Variants in SYNPR observed in about 807,000 individuals in gnomAD.
The protein encoded by SYNPR is synaptoporin.
A neutral mutation model predicts 32.9 loss-of-function variants in SYNPR; 23 were observed. The ratio of observed to expected loss-of-function variants is 0.70; its 90% CI spans 0.50 to 0.99. The LOEUF (loss-of-function observed/expected upper bound fraction) is 0.99, where lower values mean the gene tolerates loss of function less well. SYNPR is among the 50% of genes least tolerant of loss of function. The pLI is 0.00. For missense variants in SYNPR, 318 were observed against 349.3 expected, an observed-to-expected ratio of 0.91 and a Z score of 0.71; for synonymous variants, 146 against 135.9, an observed-to-expected ratio of 1.07 and a Z score of -0.52.
chr3:63,592,697 A>T (rs76570532), intron 4 of SYNPR, among the ~76,000 whole-genome samples: 125 of 152,228 alleles, frequency 8.2e-4, no homozygotes, highest in East Asian at 4.7e-3. Flanking sequence ...GACACAAATT[A>T]AAAAATAAAT....
chr3:63,400,145 G>A (rs986370558), intron 2 of SYNPR, among the ~76,000 whole-genome samples: 3 of 152,138 alleles, frequency 2.0e-5, no homozygotes, highest in South Asian at 4.1e-4. Flanking sequence ...AAGATTTTGC[G>A]ACTCTTACAC....
At chr3:63,353,753 T>C (rs890460027) in intron 2 of SYNPR, among the ~76,000 whole-genome samples, 2 of 152,226 alleles carry the variant, frequency 1.3e-5, no homozygotes, top group Non-Finnish European at 2.9e-5. Context: ...GGCTTCTTAA[T>C]GTTAGGAGTG....
intron 3 of SYNPR, among the ~76,000 whole-genome samples, chr3:63,509,270 AGTTATATATATGTGT>A (rs140487747): frequency 1.5e-3 from 227 of 149,192 alleles, no homozygotes; most frequent in Middle Eastern, 3.5e-3. Context: ...TAAGGCTGAA[AGTTATATATATGTGT>A]GTGTATATAT....
intron 2 of SYNPR, among the ~76,000 whole-genome samples, chr3:63,283,721 G>C (rs956851203): frequency 1.4e-5 from 2 of 142,562 alleles, no homozygotes; most frequent in Admixed American, 1.4e-4. Context: ...ACTATCATTT[G>C]GAAATGGCAA....
At position 63,311,019 on chromosome 3, in the gene SYNPR, C is replaced by T. The variant is rs9816757; in HGVS notation, c.84+32277C>T. On this transcript the variant is annotated intron_variant, in intron 2 of 5. Transcript: ENST00000478300. ...TAGATGTCATTTATGTGGTATCCTT[C>T]CCACATTTTTCAAAAAATCAGATAT... 7.1e-3 allele frequency among the ~76,000 whole-genome samples: 955 copies of T among 134,014 alleles called. 9 individuals carry two copies. The highest frequency in any genetic ancestry group is 0.02 in the Middle Eastern group (5 of 250). 87.9% of individuals were successfully genotyped at this position (134,014 alleles called of 152,430 possible).
chr3:63,439,655 C>T (rs1700135186), intron 2 of SYNPR, among the ~76,000 whole-genome samples: 1 of 152,200 alleles, frequency 6.6e-6, no homozygotes, highest in Non-Finnish European at 1.5e-5. Flanking sequence ...AGCTTTCCAC[C>T]ATCTTTTACA....
intron 2 of SYNPR, among the ~76,000 whole-genome samples, chr3:63,287,637 A>G (rs911605976): frequency 6.6e-6 from 1 of 152,208 alleles, no homozygotes; most frequent in African/African-American, 2.4e-5. Flanking sequence ...CTTAGAAAGT[A>G]TTGGTTAAGA....
intron 2 of SYNPR, among the ~76,000 whole-genome samples, chr3:63,254,254 C>G (rs563185002): frequency 1.3e-4 from 19 of 151,998 alleles, no homozygotes; most frequent in Non-Finnish European, 2.8e-4. Flanking sequence ...AACAACATGG[C>G]ACATGTATAC....
chr3:63,207,734 C>A, the SYNPR span, among the ~76,000 whole-genome samples: 1 of 152,000 alleles, frequency 6.6e-6, no homozygotes, highest in African/African-American at 2.4e-5. Flanking sequence ...TCTTTCTAAC[C>A]CCAATAACAG....
At chr3:63,558,851 C>T (rs1248341193) in intron 4 of SYNPR, among the ~76,000 whole-genome samples, 1 of 147,976 alleles carries the variant, frequency 6.8e-6, no homozygotes, top group African/African-American at 2.5e-5. Context: ...AATATGCTTT[C>T]CAGAAAAAAA....
At chr3:63,423,764 G>C (rs975390389) in intron 2 of SYNPR, 9 of 152,192 alleles carry the variant, frequency 5.9e-5, no homozygotes, top group Non-Finnish European at 1.3e-4. Flanking sequence ...CTCTGTTAAT[G>C]CCTATAAGCC....
At chr3:63,603,006 ATC>A (rs530830605) in intron 4 of SYNPR, among the ~76,000 whole-genome samples, 164 of 152,134 alleles carry the variant, frequency 1.1e-3, no homozygotes, top group African/African-American at 3.6e-3. Context: ...TGTTTGTGTC[ATC>A]TCTGATTTAT....
chr3:63,477,633 T>A (rs1408968504), intron 2 of SYNPR, among the ~76,000 whole-genome samples: 2 of 152,282 alleles, frequency 1.3e-5, no homozygotes, highest in East Asian at 3.9e-4. Context: ...CTGGCTCCCA[T>A]GCACAGCTGC....
intron 2 of SYNPR, among the ~76,000 whole-genome samples, chr3:63,429,289 TA>T (rs1302756749): frequency 6.6e-6 from 1 of 152,222 alleles, no homozygotes; most frequent in Non-Finnish European, 1.5e-5. Flanking sequence ...TTCTTCTCTG[TA>T]GAGCATGTAG....
chr3:63,309,720 C>T (rs762758926), intron 2 of SYNPR, among the ~76,000 whole-genome samples: 4 of 151,884 alleles, frequency 2.6e-5, no homozygotes, highest in South Asian at 2.1e-4. Flanking sequence ...CTCCTAGACA[C>T]GGGCAGCCTT....
Position 63,616,633 on chromosome 3 carries a change from T to C in SYNPR, c.*1152T>C, listed in dbSNP as rs1700282040. The C allele has an allele frequency of 1.3e-5, 2 of 152,648 alleles. No homozygotes were observed. The highest frequency in any genetic ancestry group is 4.8e-5 in the African/African-American group (2 of 41,454). 9.5% of individuals were successfully genotyped at this position (152,648 alleles called of 1,614,324 possible). A position where few individuals can be genotyped will look rare whatever the true frequency, so the allele number is the denominator to read the frequency against. On this transcript the variant is annotated 3_prime_UTR_variant, in exon 6 of 6. Coordinates refer to ENST00000478300, the MANE Select transcript of SYNPR (RefSeq NM_001130003.2). ...CTCTGTACCCCAAAGAGAGTTCTCA[T>C]GAAATATTCTCCAGAATGTATTCAT...
At chr3:63,443,317 T>C in intron 2 of SYNPR, 2 of 1,497,576 alleles carry the variant, frequency 1.3e-6, no homozygotes, top group African/African-American at 2.8e-5. Flanking sequence ...ATTTTCTTCT[T>C]CTCCTCCTTT....
chr3:63,494,498 C>CATATATACAT (rs1559516515), intron 3 of SYNPR, among the ~76,000 whole-genome samples: 1 of 107,178 alleles, frequency 9.3e-6, no homozygotes, highest in African/African-American at 4.0e-5. Flanking sequence ...CATATATATA[C>CATATATACAT]ATATATACAT....
At chr3:63,392,767 T>G (rs530876219) in intron 2 of SYNPR, among the ~76,000 whole-genome samples, 1 of 152,282 alleles carries the variant, frequency 6.6e-6, no homozygotes, top group African/African-American at 2.4e-5. Flanking sequence ...ACACATTTTC[T>G]TTTTTATTAT....
Sources: allele counts gnomAD v4.1 joint callset (sites outside exome capture counted in the v4.1 genomes callset), GRCh38; gene constraint gnomAD v4.1.1; transcripts MANE v1.5; gene names NCBI Gene and HGNC (gene_info 2026-07-23, HGNC 2026-07-21).